Variants in MCTP1 observed in about 807,000 individuals in gnomAD.
The protein encoded by MCTP1 is multiple C2 and transmembrane domain-containing protein 1.
In MCTP1, 69 loss-of-function variants were observed where a neutral mutation model predicts 120.6. That is an observed-to-expected ratio of 0.57 (90% CI 0.47 to 0.70). MCTP1 has a LOEUF of 0.70. MCTP1 is among the 30% of genes least tolerant of loss of function. MCTP1 has a pLI of 0.00. For missense variants in MCTP1, 1,203 were observed against 1,248.8 expected, an observed-to-expected ratio of 0.96 and a Z score of 0.55; for synonymous variants, 529 against 493.1, an observed-to-expected ratio of 1.07 and a Z score of -0.96.
intron 1 of MCTP1, among the ~76,000 whole-genome samples, chr5:95,025,272 T>C (rs1037099824): frequency 6.6e-6 from 1 of 152,178 alleles, no homozygotes; most frequent in Non-Finnish European, 1.5e-5. Flanking sequence ...GATACATTTA[T>C]GATCAATTGA....
chr5:95,278,559 G>C (rs1222568856), intron 1 of MCTP1, among the ~76,000 whole-genome samples: 1 of 152,254 alleles, frequency 6.6e-6, no homozygotes, highest in East Asian at 1.9e-4. Context: ...CAGTTATCAA[G>C]AAATGGTCTT....
chr5:95,078,121 A>C (rs1374793425), intron 1 of MCTP1, among the ~76,000 whole-genome samples: 1 of 152,154 alleles, frequency 6.6e-6, no homozygotes, highest in Admixed American at 6.6e-5. Context: ...AAGAATTTCA[A>C]AGATAATTTG....
At chr5:94,989,794 C>T (rs1411169509) in intron 2 of MCTP1, among the ~76,000 whole-genome samples, 3 of 152,230 alleles carry the variant, frequency 2.0e-5, no homozygotes, top group African/African-American at 7.2e-5. Context: ...TGGCCAGTGG[C>T]TTAATCAACC....
intron 1 of MCTP1, among the ~76,000 whole-genome samples, chr5:95,101,380 T>A (rs1403718774): frequency 1.3e-5 from 2 of 152,190 alleles, no homozygotes; most frequent in Non-Finnish European, 2.9e-5. Flanking sequence ...GAAGAAAACA[T>A]CTTGTTTCCT....
At chr5:95,076,103 A>T (rs1753494308) in intron 1 of MCTP1, among the ~76,000 whole-genome samples, 1 of 152,196 alleles carries the variant, frequency 6.6e-6, no homozygotes, top group African/African-American at 2.4e-5. Flanking sequence ...TACCTATGAT[A>T]AAGTTTAACT....
intron 1 of MCTP1, among the ~76,000 whole-genome samples, chr5:95,126,925 A>C (rs1258878470): frequency 1.3e-5 from 2 of 152,134 alleles, no homozygotes; most frequent in African/African-American, 4.8e-5. Context: ...CGGAAACCAC[A>C]AATTTTAAAA....
At chr5:95,081,414 A>G in intron 1 of MCTP1, 1 of 1,609,912 alleles carries the variant, frequency 6.2e-7, no homozygotes, top group Middle Eastern at 1.7e-4. Flanking sequence ...AGTAAACCAA[A>G]ATGTTACTTA....
At chr5:95,223,945 C>A (rs1010798505) in intron 1 of MCTP1, among the ~76,000 whole-genome samples, 4 of 152,170 alleles carry the variant, frequency 2.6e-5, no homozygotes, top group African/African-American at 9.7e-5. Context: ...GAAACATTTT[C>A]TGTTTTTCTA....
intron 12 of MCTP1, among the ~76,000 whole-genome samples, chr5:94,876,041 A>C (rs995007111): frequency 6.6e-6 from 1 of 152,184 alleles, no homozygotes; most frequent in Non-Finnish European, 1.5e-5. Context: ...CCAAAATACT[A>C]GTAAATGTAC....
chr5:94,861,108 A>G (rs530363927), intron 17 of MCTP1, among the ~76,000 whole-genome samples: 119 of 151,746 alleles, frequency 7.8e-4, no homozygotes, highest in African/African-American at 2.8e-3. Flanking sequence ...TCTGTTATTG[A>G]TCTCTCAGTG....
chr5:94,817,768 A>T (rs1784788951), intron 17 of MCTP1, among the ~76,000 whole-genome samples: 1 of 152,284 alleles, frequency 6.6e-6, no homozygotes, highest in African/African-American at 2.4e-5. Context: ...CTGAACCATT[A>T]TTGGTTTACA....
At chr5:94,893,260 A>G (rs1458270589) in intron 11 of MCTP1, among the ~76,000 whole-genome samples, 4 of 152,242 alleles carry the variant, frequency 2.6e-5, no homozygotes, top group Admixed American at 6.5e-5. Flanking sequence ...ATCCCTTAAT[A>G]TACGGGATAA....
At chr5:95,179,319 G>A (rs1298664995) in intron 1 of MCTP1, among the ~76,000 whole-genome samples, 1 of 152,072 alleles carries the variant, frequency 6.6e-6, no homozygotes, top group Non-Finnish European at 1.5e-5. Flanking sequence ...CCAAATACGA[G>A]TAGCTCAAAG....
intron 19 of MCTP1, among the ~76,000 whole-genome samples, chr5:94,715,208 C>T (rs904315957): frequency 2.0e-5 from 3 of 151,818 alleles, no homozygotes; most frequent in Admixed American, 6.6e-5. Context: ...TTACCAAACC[C>T]GGATTCTACA....
chr5:95,086,005 A>AT (rs1156845289), intron 1 of MCTP1, among the ~76,000 whole-genome samples: 2 of 151,168 alleles, frequency 1.3e-5, no homozygotes, highest in African/African-American at 2.4e-5. Context: ...TCTTCTGTGT[A>AT]TTTTTTTACT....
chr5:95,202,714 A>G (rs1751203122), intron 1 of MCTP1, among the ~76,000 whole-genome samples: 1 of 152,024 alleles, frequency 6.6e-6, no homozygotes, highest in South Asian at 2.1e-4. Flanking sequence ...ATCAAGAATC[A>G]ATCTTTCTCT....
At position 95,149,496 on chromosome 5, in the gene MCTP1, C is replaced by CA. The variant is rs1159397380; in HGVS notation, c.721-132013_721-132012insT. On this transcript the variant is annotated intron_variant, in intron 1 of 22. Coordinates refer to ENST00000515393, the MANE Select transcript of MCTP1 (RefSeq NM_024717.7). ...AAGGACAGAGCCACTGTGCTGGGAG[C>CA]CCAAGTCTTGCCTGGTTAGGAGCAG... 1.5e-3 allele frequency among the ~76,000 whole-genome samples: 3 copies of CA among 1,986 alleles called. No homozygotes were observed. The Admixed American group carries it at 0.033, about 22-fold the overall frequency. 1.3% of individuals were successfully genotyped at this position (1,986 alleles called of 152,430 possible).
intron 19 of MCTP1, among the ~76,000 whole-genome samples, chr5:94,762,085 C>T (rs549043289): frequency 5.3e-5 from 8 of 152,328 alleles, no homozygotes; most frequent in African/African-American, 1.9e-4. Context: ...GCCCAGTCAA[C>T]ACAATGAATA....
At chr5:94,841,188 G>T (rs1461703336) in intron 17 of MCTP1, among the ~76,000 whole-genome samples, 1 of 152,138 alleles carries the variant, frequency 6.6e-6, no homozygotes, top group African/African-American at 2.4e-5. Flanking sequence ...ACGGAAACAG[G>T]AATAGAAAGG....
Sources: allele counts gnomAD v4.1 joint callset (sites outside exome capture counted in the v4.1 genomes callset), GRCh38; gene constraint gnomAD v4.1.1; transcripts MANE v1.5; gene names NCBI Gene and HGNC (gene_info 2026-07-23, HGNC 2026-07-21).